The following NEK4 variants were observed in gnomAD, a reference collection of about 807,000 sequenced individuals.
NEK4 encodes the protein serine/threonine-protein kinase Nek4.
Under a neutral mutation model 98.4 loss-of-function variants are expected in NEK4, and 86 were observed. That is an observed-to-expected ratio of 0.87 (90% CI 0.73 to 1.05). The LOEUF (loss-of-function observed/expected upper bound fraction) is 1.05, where lower values mean the gene tolerates loss of function less well. Among genes scored for constraint, NEK4 ranks in the 50% least tolerant of loss-of-function variants. The pLI, the probability that NEK4 is intolerant of heterozygous loss-of-function variation, is 0.00. For missense variants in NEK4, 898 were observed against 950.3 expected (o/e 0.94, Z 0.72); for synonymous variants, 328 against 342.2 (o/e 0.96, Z 0.46).
chr3:52,765,422 T>A (rs960553192), intron 4 of NEK4, among the ~76,000 whole-genome samples: 3 of 151,496 alleles, frequency 2.0e-5, no homozygotes, highest in Admixed American at 2.0e-4. Flanking sequence ...GCAACTAGCC[T>A]CATGGAACAT....
rs776682747 is a variant in NEK4 at position 52,746,754 on chromosome 3, C to T, written c.1657G>A (p.Val553Ile). The change falls in exon 9 of 16, where the codon GTC becomes ATC. Residue 553 changes from valine (V) to isoleucine (I), a missense_variant. Coordinates refer to ENST00000233027, the MANE Select transcript of NEK4 (RefSeq NM_003157.6). ...QTEHRGEKRQ[V>I]RRDLFAFQES... ...CTTACAGCAAAGAGATCTCTGCGGA[C>T]CTGTCTCTTTTCCCCTCTGTGCTCA... 2.5e-6 allele frequency: 4 copies of T among 1,613,564 alleles called. No homozygotes were observed. In the African/African-American group the frequency reaches 4.0e-5, roughly 16 times the overall value.
intron 6 of NEK4, chr3:52,753,626 C>T (rs2097409450): frequency 3.4e-6 from 2 of 584,042 alleles, no homozygotes; most frequent in Admixed American, 3.8e-5. Flanking sequence ...ATGAACTATG[C>T]CAAAGAAACA....
intron 8 of NEK4, among the ~76,000 whole-genome samples, chr3:52,748,312 C>T (rs193284305): frequency 8.8e-4 from 134 of 152,078 alleles, no homozygotes; most frequent in African/African-American, 3.1e-3. Flanking sequence ...TTGTCTTTCT[C>T]AAAATGAATG....
At chr3:52,726,880 G>T (rs1028051686) in intron 15 of NEK4, among the ~76,000 whole-genome samples, 1 of 152,086 alleles carries the variant, frequency 6.6e-6, no homozygotes, top group Non-Finnish European at 1.5e-5. Flanking sequence ...CTCCAGCCTG[G>T]GTGACAGAGC....
At position 52,765,922 on chromosome 3, in the gene NEK4, T is replaced by C. The variant is rs1466000683; in HGVS notation, c.631A>G (p.Met211Val). Reference sequence around the variant, plus strand: ...ATAATCCGATAAACTAAAGAATTCATATCTTTTGCATTGAAAGCATGCTTC... The same window carrying C: ...ATAATCCGATAAACTAAAGAATTCACATCTTTTGCATTGAAAGCATGCTTC... Reference protein sequence around the residue: ...TLKHAFNAKDMNSLVYRIIEG... With the variant: ...TLKHAFNAKDVNSLVYRIIEG... The change falls in exon 4 of 16, where the codon ATG becomes GTG. Residue 211 changes from methionine (M) to valine (V), a missense_variant. Physicochemically the swap from Met to Val is conservative, Grantham distance 21. Coordinates refer to ENST00000233027, the MANE Select transcript of NEK4 (RefSeq NM_003157.6). The C allele has an allele frequency of 1.2e-6, 2 of 1,610,704 alleles. No individual in the cohort carries two copies. The highest frequency in any genetic ancestry group is 8.5e-7 in the Non-Finnish European group (1 of 1,176,902).
At position 52,711,980 on chromosome 3, in the gene NEK4, G is replaced by A. The variant is rs1417118565; in HGVS notation, c.2434-111C>T. On this transcript the variant is annotated intron_variant, in intron 15 of 15. Coordinates refer to ENST00000233027, the MANE Select transcript of NEK4 (RefSeq NM_003157.6). ...TGGTATCCAAGGTGGAAACCATACA[G>A]GAAAATACTAATAGTTCAGTTTACA... 8.4e-6 allele frequency: 5 copies of A among 597,664 alleles called. No individual in the cohort carries two copies. In the South Asian group the frequency reaches 1.2e-4, roughly 15 times the overall value. The allele number at this position is 597,664 out of a possible 1,614,324, so 37.0% of individuals were successfully genotyped here.
In NEK4 at chr3:52,770,830, CGA is replaced by C; in HGVS notation, c.-86_-85del. 3 of 1,221,056 alleles carry C rather than the reference CGA, an allele frequency of 2.5e-6. No individual in the cohort carries two copies. The highest frequency in any genetic ancestry group is 2.7e-4 in the Middle Eastern group (1 of 3,748). 75.6% of individuals were successfully genotyped at this position (1,221,056 alleles called of 1,614,324 possible). A position where few individuals can be genotyped will look rare whatever the true frequency, so the allele number is the denominator to read the frequency against. The stretch of plus-strand genomic sequence containing the variant: ...GGCAACAAGAAGCTCGGTTCATGCC[CGA>C]GAGGGGGCAGTGGGGGCGGCTGTTG... On this transcript the variant is annotated 5_prime_UTR_variant, in exon 1 of 16. An upstream open reading frame in the 5' UTR loses its in-frame stop. Coordinates refer to ENST00000233027, the MANE Select transcript of NEK4 (RefSeq NM_003157.6).
intron 15 of NEK4, among the ~76,000 whole-genome samples, chr3:52,736,214 C>T (rs544694812): frequency 2.6e-4 from 40 of 151,952 alleles, no homozygotes; most frequent in African/African-American, 7.5e-4. Context: ...GTATTTTTGG[C>T]GGGGGGGAAT....
chr3:52,735,724 G>C (rs564865304), intron 15 of NEK4, among the ~76,000 whole-genome samples: 1 of 152,342 alleles, frequency 6.6e-6, no homozygotes, highest in East Asian at 1.9e-4. Context: ...CATGCCTGGG[G>C]AATGTTCCTT....
At chr3:52,734,319 G>A (rs377385798) in intron 15 of NEK4, among the ~76,000 whole-genome samples, 36 of 151,632 alleles carry the variant, frequency 2.4e-4, no homozygotes, top group African/African-American at 5.8e-4. Context: ...GTGTGGTGGC[G>A]GGTGCCTGTA....
At chr3:52,753,194 C>G (rs1021049308) in intron 6 of NEK4, among the ~76,000 whole-genome samples, 6 of 151,934 alleles carry the variant, frequency 3.9e-5, no homozygotes, top group Non-Finnish European at 8.8e-5. Flanking sequence ...GTCCCAGCTA[C>G]TTGGAAGCCT....
rs904596650 is a variant in NEK4, at chr3:52,710,438, T to C, written c.*1339A>G. 10 of 151,774 alleles carry C rather than the reference T, an allele frequency of 6.6e-5. No homozygotes were observed. Among genetic ancestry groups the C allele is most frequent in the African/African-American group, 2.4e-4 (10 of 41,294 alleles). 9.4% of individuals were successfully genotyped at this position (151,774 alleles called of 1,614,324 possible). Reference sequence around the variant, plus strand: ...GAGTATTTGTGTGTGTGTGTAATTTTCAAAGATAGATATATTTTTAGTTAT... The same window carrying C: ...GAGTATTTGTGTGTGTGTGTAATTTCCAAAGATAGATATATTTTTAGTTAT... On this transcript the variant is annotated 3_prime_UTR_variant, in exon 16 of 16. Transcript: ENST00000233027.
intron 12 of NEK4, among the ~76,000 whole-genome samples, chr3:52,743,049 T>G (rs541160451): frequency 4.6e-5 from 7 of 152,332 alleles, no homozygotes; most frequent in South Asian, 2.1e-4. Context: ...CCTCCCAAAG[T>G]GCTAGTATTA....
In NEK4 at chr3:52,750,711, G is replaced by A. The variant is rs190256155; in HGVS notation, c.1369-882C>T. ...GGGAGGCCAAGTTGGGAGGACTGTC[G>A]AGCCCAGGAGTTTGAGACCAGCCTG... On this transcript the variant is annotated intron_variant, in intron 7 of 15. Coordinates refer to ENST00000233027, the MANE Select transcript of NEK4 (RefSeq NM_003157.6). 2.6e-3 allele frequency among the ~76,000 whole-genome samples: 393 copies of A among 152,070 alleles called. 1 individual carries two copies. Among genetic ancestry groups the A allele is most frequent in the Non-Finnish European group, 4.7e-3 (322 of 67,980 alleles).
chr3:52,715,006 G>C (rs1489874458), intron 15 of NEK4, among the ~76,000 whole-genome samples: 1 of 152,222 alleles, frequency 6.6e-6, no homozygotes, highest in Admixed American at 6.5e-5. Flanking sequence ...CACGTGTACC[G>C]TGGCATGAAC....
At chr3:52,746,993 G>T in intron 8 of NEK4, 89 bp from the exon 9 acceptor site, 1 of 1,006,908 alleles carries the variant, frequency 9.9e-7, no homozygotes, top group Non-Finnish European at 1.5e-6. Context: ...AGTGGCTTTT[G>T]TTTTTTAGCA....
intron 8 of NEK4, among the ~76,000 whole-genome samples, chr3:52,748,946 G>C (rs1033185215): frequency 6.6e-6 from 1 of 151,988 alleles, no homozygotes; most frequent in African/African-American, 2.4e-5. Flanking sequence ...AATTAGCCAG[G>C]CGTGCTGGCG....
chr3:52,755,687 C>T (rs551453424), intron 6 of NEK4, among the ~76,000 whole-genome samples: 27 of 151,286 alleles, frequency 1.8e-4, no homozygotes, highest in Non-Finnish European at 3.7e-4. Context: ...AAGTTCTAGC[C>T]AGAGCAATTA....
chr3:52,754,498 C>T, intron 6 of NEK4: 1 of 863,190 alleles, frequency 1.2e-6, no homozygotes, highest in East Asian at 3.0e-5. Flanking sequence ...GTCTGTCTGA[C>T]CAATTTAAAA....
Sources: gnomAD v4.1 joint callset for allele counts (sites outside exome capture counted in the v4.1 genomes callset) on GRCh38, gnomAD v4.1.1 for gene constraint, MANE v1.5 for transcripts, NCBI Gene and HGNC (gene_info 2026-07-23, HGNC 2026-07-21) for gene names.